Variants in DOCK10 observed in about 807,000 individuals in gnomAD.
The protein encoded by DOCK10 is dedicator of cytokinesis 10.
A neutral mutation model predicts 280.1 loss-of-function variants in DOCK10; 145 were observed. The ratio of observed to expected loss-of-function variants is 0.52; its 90% CI spans 0.45 to 0.59. The LOEUF (loss-of-function observed/expected upper bound fraction) is 0.59, where lower values mean the gene tolerates loss of function less well. DOCK10 is among the 20% of genes least tolerant of loss of function. The probability of loss-of-function intolerance (pLI) is 0.00; values close to 1 mark genes in which losing one functional copy is unlikely to be tolerated. For missense variants in DOCK10, 2,368 were observed against 2,651.7 expected (o/e 0.89, Z 2.35); for synonymous variants, 915 against 942.2 (o/e 0.97, Z 0.53).
intron 11 of DOCK10, among the ~76,000 whole-genome samples, chr2:224,866,474 T>G (rs900378181): frequency 6.6e-6 from 1 of 152,214 alleles, no homozygotes; most frequent in African/African-American, 2.4e-5. Context: ...GGTCACCATT[T>G]TCCCTTTGGC....
At chr2:224,792,876 C>CCGGA in intron 47 of DOCK10, 98 bp downstream of exon 47, 1 of 913,112 alleles carries the variant, frequency 1.1e-6, no homozygotes, top group South Asian at 1.8e-5. Flanking sequence ...ACAGTTTTTG[C>CCGGA]TTCTAAGAAT....
At chr2:225,024,745 G>T (rs1689874136) in intron 1 of DOCK10, among the ~76,000 whole-genome samples, 2 of 139,672 alleles carry the variant, frequency 1.4e-5, no homozygotes, top group African/African-American at 2.7e-5. Flanking sequence ...AAAAAATTTA[G>T]CCGGGCATAG....
chr2:224,802,143 A>G, intron 39 of DOCK10, 103 bp from the exon 40 acceptor site: 2 of 1,263,416 alleles, frequency 1.6e-6, no homozygotes, highest in Non-Finnish European at 2.1e-6. Flanking sequence ...AATATTAAAA[A>G]CTAGTTTGGA....
chr2:224,819,415 GAA>G lies in DOCK10; in HGVS notation c.3267+29_3267+30del, dbSNP rs761031150. 2.1e-6 allele frequency: 3 copies of G among 1,423,490 alleles called. No homozygotes were observed. The African/African-American group carries it at 4.4e-5, about 21-fold the overall frequency. 88.2% of individuals were successfully genotyped at this position (1,423,490 alleles called of 1,614,324 possible). ...TATTTATTTACAATGCCATAGTTTA[GAA>G]AACAATCACTCCTGTACGTGGTTCT... On this transcript the variant is annotated intron_variant, in intron 29 of 55. Coordinates refer to ENST00000258390, the MANE Select transcript of DOCK10 (RefSeq NM_014689.3).
chr2:224,765,628 A>G lies in DOCK10; in HGVS notation c.*93T>C, dbSNP rs550655782. On this transcript the variant is annotated 3_prime_UTR_variant, in exon 56 of 56. Transcript: ENST00000258390. ...AAACAAAAATATTAACACCATGAAA[A>G]CTTCAAATAAATTAAACCTATCTTT... is the stretch of plus-strand genomic sequence containing the variant. 18 of 891,876 alleles carry G rather than the reference A, an allele frequency of 2.0e-5. No homozygotes were observed. In the African/African-American group the frequency reaches 3.1e-4, roughly 15 times the overall value. 55.2% of individuals were successfully genotyped at this position (891,876 alleles called of 1,614,324 possible). A position where few individuals can be genotyped will look rare whatever the true frequency, so the allele number is the denominator to read the frequency against.
At chr2:224,878,348 G>C (rs1488685947) in intron 7 of DOCK10, among the ~76,000 whole-genome samples, 1 of 152,212 alleles carries the variant, frequency 6.6e-6, no homozygotes, top group South Asian at 2.1e-4. Flanking sequence ...GTGAAACTGA[G>C]TTTTGGGGAG....
At chr2:224,819,371 G>T in intron 29 of DOCK10, 75 bp downstream of exon 29, 1 of 949,250 alleles carries the variant, frequency 1.1e-6, no homozygotes, top group Non-Finnish European at 1.6e-6. Flanking sequence ...ACTTAAGCAG[G>T]TATCCACAGA....
Position 224,845,249 on chromosome 2 carries a change from C to A in DOCK10, c.2435G>T (p.Ser812Ile), listed in dbSNP as rs1476590439. Residue 812 changes from serine (S) to isoleucine (I), a missense_variant, in exon 21 of 56, where the codon AGT becomes ATT. Physicochemically the swap from Ser to Ile is moderately radical, Grantham distance 142. This residue lies in a region of DOCK10 where 1,209 missense variants were observed against 1,250.9 expected (regional missense o/e 0.97). Coordinates refer to ENST00000258390, the MANE Select transcript of DOCK10 (RefSeq NM_014689.3). ...SQEYNIPIAT[S>I]LPPNYLSFQD... ...AAAGCTTAAATAATTAGGAGGCAGACTTGTTGCTATTGGGATGTTGTACTC... is the reference window on the plus strand; with the variant it reads ...AAAGCTTAAATAATTAGGAGGCAGAATTGTTGCTATTGGGATGTTGTACTC... 6 of 1,585,572 alleles carry A rather than the reference C, an allele frequency of 3.8e-6. No individual in the cohort carries two copies. Among genetic ancestry groups the A allele is most frequent in the Non-Finnish European group, 5.2e-6 (6 of 1,164,290 alleles).
rs143529690 is a variant in DOCK10, at chr2:224,956,769, T to C, written c.124-25101A>G. ...CAGAAAATCATATAATAGTGCCCTC[T>C]GTGGCACTACCTCCCAACACAAACT... is the stretch of plus-strand genomic sequence containing the variant. On this transcript the variant is annotated intron_variant, in intron 1 of 55. Coordinates refer to ENST00000258390, the MANE Select transcript of DOCK10 (RefSeq NM_014689.3). Among the ~76,000 whole-genome samples the C allele has an allele frequency of 1.0e-3, 156 of 152,262 alleles. 2 individuals are homozygous for C. The highest frequency in any genetic ancestry group is 3.6e-3 in the African/African-American group (148 of 41,564).
chr2:224,898,159 G>A (rs1700090048), intron 3 of DOCK10, among the ~76,000 whole-genome samples: 1 of 152,188 alleles, frequency 6.6e-6, no homozygotes, highest in Admixed American at 6.5e-5. Context: ...GCACATCATA[G>A]AAAGGTGGAC....
chr2:224,885,610 T>C, intron 7 of DOCK10, 61 bp downstream of exon 7: 1 of 1,478,142 alleles, frequency 6.8e-7, no homozygotes, highest in African/African-American at 1.4e-5. Flanking sequence ...CCATGAATAT[T>C]TGTTAAATAT....
chr2:225,029,037 G>T (rs985063489), intron 1 of DOCK10, among the ~76,000 whole-genome samples: 1 of 152,144 alleles, frequency 6.6e-6, no homozygotes, highest in Non-Finnish European at 1.5e-5. Context: ...ATGAAATTAC[G>T]TGTATTACAG....
At chr2:224,823,430 T>C (rs1694638045) in intron 28 of DOCK10, 71 bp downstream of exon 28, 1 of 1,346,216 alleles carries the variant, frequency 7.4e-7, no homozygotes, top group Non-Finnish European at 9.8e-7. Context: ...TGTGAACTGA[T>C]GAAAGTTTAG....
chr2:224,792,944 T>C lies in DOCK10; in HGVS notation c.5311+30A>G, dbSNP rs548332883. Reference sequence around the variant, plus strand: ...GAGCAGCAAGTGGATTTCCTCTGCATTGGGATAAATGAGCAGTTAGGTCAC... The same window carrying C: ...GAGCAGCAAGTGGATTTCCTCTGCACTGGGATAAATGAGCAGTTAGGTCAC... On this transcript the variant is annotated intron_variant, in intron 47 of 55. Coordinates refer to ENST00000258390, the MANE Select transcript of DOCK10 (RefSeq NM_014689.3). The C allele has an allele frequency of 4.0e-6, 6 of 1,507,130 alleles. No homozygotes were observed. The African/African-American group carries it at 5.5e-5, about 14-fold the overall frequency. The allele number at this position is 1,507,130 out of a possible 1,614,324, so 93.4% of individuals were successfully genotyped here.
intron 2 of DOCK10, among the ~76,000 whole-genome samples, chr2:224,930,445 A>C (rs1702289535): frequency 6.6e-6 from 1 of 152,162 alleles, no homozygotes; most frequent in Non-Finnish European, 1.5e-5. Flanking sequence ...ATTTTGAAAA[A>C]CATTGGAAGA....
chr2:224,849,891 C>T (rs1273248189), intron 18 of DOCK10, among the ~76,000 whole-genome samples: 6 of 152,146 alleles, frequency 3.9e-5, no homozygotes, highest in Non-Finnish European at 8.8e-5. Flanking sequence ...CACAGGAGAA[C>T]AGAAAATTCC....
At chr2:224,961,860 A>G (rs1559875444) in intron 1 of DOCK10, among the ~76,000 whole-genome samples, 1 of 152,122 alleles carries the variant, frequency 6.6e-6, no homozygotes, top group Non-Finnish European at 1.5e-5. Flanking sequence ...CAATTTAGGA[A>G]ATGATCTGTG....
intron 1 of DOCK10, among the ~76,000 whole-genome samples, chr2:225,033,830 A>ACAAC: frequency 6.6e-6 from 1 of 152,246 alleles, no homozygotes; most frequent in South Asian, 2.1e-4. Flanking sequence ...TTGCAACCCA[A>ACAAC]CCACGCCCCC....
rs750011593 is a variant in DOCK10 at position 224,786,299 on chromosome 2, G to A, written c.5655+723C>T. Among the ~76,000 whole-genome samples, 5 of 152,268 alleles carry A rather than the reference G, an allele frequency of 3.3e-5. No individual in the cohort carries two copies. Among genetic ancestry groups the A allele is most frequent in the East Asian group, 1.9e-4 (1 of 5,178 alleles). ...CCACACAAGCAACAGTCTAAAATAC[G>A]TCTGCTGAAATATAATAGCGTTATA... On this transcript the variant is annotated intron_variant, in intron 50 of 55. Coordinates refer to ENST00000258390, the MANE Select transcript of DOCK10 (RefSeq NM_014689.3). This position sits in a 1 kb window ranked among gnomAD's most constrained non-coding sequence, Gnocchi z 4.7.
Sources: gnomAD v4.1 joint callset for allele counts (sites outside exome capture counted in the v4.1 genomes callset) on GRCh38, gnomAD v4.1.1 for gene constraint, gnomAD v4.1.1 regional missense constraint, Gnocchi (gnomAD v3.1) non-coding constraint, MANE v1.5 for transcripts, NCBI Gene and HGNC (gene_info 2026-07-23, HGNC 2026-07-21) for gene names.